The following MAP4K4 variants were observed in gnomAD, a reference collection of about 807,000 sequenced individuals.
The protein encoded by MAP4K4 is HPK/GCK-like kinase HGK.
In MAP4K4, 38 loss-of-function variants were observed where a neutral mutation model predicts 189.6. The observed-to-expected ratio is 0.20, with a 90% CI of 0.15 to 0.26. The LOEUF (loss-of-function observed/expected upper bound fraction) is 0.26, where lower values mean the gene tolerates loss of function less well. MAP4K4 is among the 10% of genes least tolerant of loss of function. The pLI is 1.00. For missense variants in MAP4K4, 1,054 were observed against 1,726.9 expected, an observed-to-expected ratio of 0.61 and a Z score of 6.91; for synonymous variants, 610 against 624.3, an observed-to-expected ratio of 0.98 and a Z score of 0.34.
At chr2:101,720,295 T>C (rs546584379) in intron 2 of MAP4K4, among the ~76,000 whole-genome samples, 21 of 151,502 alleles carry the variant, frequency 1.4e-4, no homozygotes, top group African/African-American at 5.1e-4. Context: ...TCCCTCAGCT[T>C]CCTGAGTCGC....
chr2:101,803,232 G>A (rs2094535567), intron 3 of MAP4K4, among the ~76,000 whole-genome samples: 1 of 130,810 alleles, frequency 7.6e-6, no homozygotes, highest in Non-Finnish European at 1.6e-5. Flanking sequence ...ATGCTTGGTT[G>A]ATGATGATGA....
chr2:101,791,763 T>C (rs1416110642), intron 3 of MAP4K4, among the ~76,000 whole-genome samples: 1 of 152,182 alleles, frequency 6.6e-6, no homozygotes, highest in Non-Finnish European at 1.5e-5. Flanking sequence ...TCAGCATGGG[T>C]ATTTGTCAGT....
intron 3 of MAP4K4, among the ~76,000 whole-genome samples, chr2:101,807,533 C>G (rs1048676624): frequency 6.6e-6 from 1 of 152,178 alleles, no homozygotes; most frequent in Non-Finnish European, 1.5e-5. Context: ...TGATGGTAAC[C>G]TACATGACCA....
chr2:101,709,176 A>C (rs956304167), intron 2 of MAP4K4, among the ~76,000 whole-genome samples: 1 of 152,128 alleles, frequency 6.6e-6, no homozygotes, highest in African/African-American at 2.4e-5. Context: ...TATCTTCCCC[A>C]GTCTTATTAT....
rs752991685 is a variant in MAP4K4 at position 101,864,970 on chromosome 2, G to A, written c.2138G>A (p.Arg713His). ...ACATCTCGCTCCCCTGTTCTGTCCC[G>A]TCGAGATTCCCCACTGCAGGGCAGT... is the stretch of plus-strand genomic sequence containing the variant. Residue 713 changes from arginine (R) to histidine (H), a missense_variant, in exon 18 of 33, where the codon CGT (arginine) becomes CAT (histidine). Physicochemically the swap from Arg to His is conservative, Grantham distance 29. This residue lies in a region of MAP4K4 where 646 missense variants were observed against 796.2 expected (regional missense o/e 0.81). Coordinates refer to ENST00000324219, the Ensembl canonical transcript of MAP4K4. The A allele has an allele frequency of 9.5e-6, 15 of 1,579,450 alleles. No homozygotes were observed. In the East Asian group the frequency reaches 1.2e-4, roughly 12 times the overall value.
At chr2:101,791,592 C>T (rs933394946) in intron 3 of MAP4K4, among the ~76,000 whole-genome samples, 2 of 152,152 alleles carry the variant, frequency 1.3e-5, no homozygotes, top group Non-Finnish European at 2.9e-5. Context: ...TCACTAGCAG[C>T]ATTGGAGATT....
At chr2:101,880,732 C>T (rs2098362438) in intron 27 of MAP4K4, among the ~76,000 whole-genome samples, 2 of 152,152 alleles carry the variant, frequency 1.3e-5, no homozygotes, top group Admixed American at 6.5e-5. Context: ...TGATCTCAAG[C>T]TCCTGACCTC....
intron 3 of MAP4K4, among the ~76,000 whole-genome samples, chr2:101,807,103 A>G (rs2095024991): frequency 6.7e-6 from 1 of 150,208 alleles, no homozygotes; most frequent in Admixed American, 6.6e-5. Context: ...CCCAGGCTAG[A>G]GTGCAGTGGT....
chr2:101,794,150 G>A (rs775760052), intron 3 of MAP4K4, among the ~76,000 whole-genome samples: 37 of 152,256 alleles, frequency 2.4e-4, no homozygotes, highest in Non-Finnish European at 4.4e-4. Flanking sequence ...TGCTCAAAGT[G>A]GATGGTATTA....
At chr2:101,890,117 G>A (rs191188458) in intron 32 of MAP4K4, among the ~76,000 whole-genome samples, 32 of 152,244 alleles carry the variant, frequency 2.1e-4, no homozygotes, top group Non-Finnish European at 3.5e-4. Flanking sequence ...TGTCCTTTAA[G>A]ATTTATTAAT....
intron 12 of MAP4K4, among the ~76,000 whole-genome samples, chr2:101,847,838 A>G (rs1189800367): frequency 2.6e-5 from 4 of 152,210 alleles, no homozygotes; most frequent in Admixed American, 1.3e-4. Flanking sequence ...ATATTCACTC[A>G]CCACTCACTC....
At chr2:101,832,143 C>T (rs1346025369) in intron 7 of MAP4K4, among the ~76,000 whole-genome samples, 3 of 152,166 alleles carry the variant, frequency 2.0e-5, no homozygotes, top group Non-Finnish European at 4.4e-5. Flanking sequence ...CATTTTTTAA[C>T]TTGAAGAATA....
intron 3 of MAP4K4, among the ~76,000 whole-genome samples, chr2:101,798,247 A>C (rs2094004871): frequency 6.6e-6 from 1 of 152,066 alleles, no homozygotes. Context: ...TTAATAGTAC[A>C]GATATACTGT....
Position 101,870,274 on chromosome 2 carries a change from G to A in MAP4K4, c.2640-21G>A, listed in dbSNP as rs369278464. 164 of 1,610,172 alleles carry A rather than the reference G, an allele frequency of 1.0e-4. No homozygotes were observed. The African/African-American group carries it at 1.7e-3, about 17-fold the overall frequency. On this transcript the variant is annotated intron_variant, in intron 22 of 32. Coordinates refer to ENST00000324219, the Ensembl canonical transcript of MAP4K4. ...GACTCCAGAGATTAAGGCCTTTCACGTCTGGATTTTTTCTCCATAGGTCAT... is the reference window on the plus strand; with the variant it reads ...GACTCCAGAGATTAAGGCCTTTCACATCTGGATTTTTTCTCCATAGGTCAT...
rs112942200 is a variant in MAP4K4, at chr2:101,771,684, G to A, written c.124-19036G>A. Among the ~76,000 whole-genome samples the A allele has an allele frequency of 3.9e-5, 6 of 152,300 alleles. No individual in the cohort carries two copies. The South Asian group carries it at 8.3e-4, about 21-fold the overall frequency. ...GCGCAATGTGCAGACATGCAGTTTAGTTGTACAATGACTCCAGCAATTAAT... is the reference window on the plus strand; with the variant it reads ...GCGCAATGTGCAGACATGCAGTTTAATTGTACAATGACTCCAGCAATTAAT... On this transcript the variant is annotated intron_variant, in intron 2 of 32. Coordinates refer to ENST00000324219, the Ensembl canonical transcript of MAP4K4.
chr2:101,840,224 C>T (rs2096874627), intron 10 of MAP4K4, among the ~76,000 whole-genome samples: 1 of 152,042 alleles, frequency 6.6e-6, no homozygotes, highest in Admixed American at 6.5e-5. Flanking sequence ...ATCGGCATTG[C>T]GATGGGATGC....
At chr2:101,724,486 C>G (rs929581636) in intron 2 of MAP4K4, among the ~76,000 whole-genome samples, 5 of 152,194 alleles carry the variant, frequency 3.3e-5, no homozygotes, top group Non-Finnish European at 5.9e-5. Flanking sequence ...TCTGAAACCT[C>G]TAATACAGGG....
intron 2 of MAP4K4, among the ~76,000 whole-genome samples, chr2:101,722,502 G>A (rs547564393): frequency 6.6e-6 from 1 of 152,290 alleles, no homozygotes; most frequent in East Asian, 1.9e-4. Context: ...AGAGAAAGAG[G>A]TAAATAAAGG....
At chr2:101,891,987 TAAAAAAAAAAAAAAAAAAAAAAA>T (rs60620198) in exon 33 of MAP4K4, 1 of 59,818 alleles carries the variant, frequency 1.7e-5, no homozygotes, top group Admixed American at 2.8e-4. Context: ...CAGATGGTTC[TAAAAAAAAAAAAAAAAAAAAAAA>T]AAAAAGGAAA....
Sources: allele counts gnomAD v4.1 joint callset (sites outside exome capture counted in the v4.1 genomes callset), GRCh38; gene constraint gnomAD v4.1.1; regional missense constraint gnomAD v4.1.1; transcripts MANE v1.5; gene names NCBI Gene and HGNC (gene_info 2026-07-23, HGNC 2026-07-21).